Variants in AFAP1L2 observed in about 807,000 individuals in gnomAD.
AFAP1L2 encodes actin filament associated protein 1 like 2.
In AFAP1L2, 46 loss-of-function variants were observed where a neutral mutation model predicts 99.3. The ratio of observed to expected loss-of-function variants is 0.46; its 90% CI spans 0.37 to 0.59. The LOEUF (loss-of-function observed/expected upper bound fraction) is 0.59. Among genes scored for constraint, AFAP1L2 ranks in the 20% least tolerant of loss-of-function variants. AFAP1L2 has a pLI of 0.00. For synonymous variants in AFAP1L2, 397 were observed against 419.1 expected (o/e 0.95, Z 0.64); for missense variants, 959 against 1,034.9 (o/e 0.93, Z 1.01).
At chr10:114,376,894 C>T (rs1193828015) in intron 1 of AFAP1L2, among the ~76,000 whole-genome samples, 1 of 152,110 alleles carries the variant, frequency 6.6e-6, no homozygotes, top group Non-Finnish European at 1.5e-5. Flanking sequence ...GCTTTTGGGC[C>T]TCCCTAGAAG....
rs1237845756 is a variant in AFAP1L2, at chr10:114,337,141, G to A, written c.145+3462C>T. The stretch of plus-strand genomic sequence containing the variant: ...GTGTGTTTACGATTCTGTCCTGTGC[G>A]ACACGACAGTTAACTGCAGTGCAAT... On this transcript the variant is annotated intron_variant, in intron 2 of 18. Coordinates refer to ENST00000304129, the MANE Select transcript of AFAP1L2 (RefSeq NM_001001936.3). Among the ~76,000 whole-genome samples, 11 of 152,334 alleles carry A rather than the reference G, an allele frequency of 7.2e-5. No individual in the cohort carries two copies. The South Asian group carries it at 8.3e-4, about 11-fold the overall frequency.
downstream of AFAP1L2, among the ~76,000 whole-genome samples, chr10:114,290,914 C>T (rs941158476): frequency 6.6e-6 from 1 of 152,102 alleles, no homozygotes; most frequent in Non-Finnish European, 1.5e-5. Flanking sequence ...AGAGAGTGAT[C>T]GTTGGGAGGC....
At chr10:114,344,276 G>C (rs1355343423) in intron 1 of AFAP1L2, among the ~76,000 whole-genome samples, 1 of 152,168 alleles carries the variant, frequency 6.6e-6, no homozygotes, top group African/African-American at 2.4e-5. Flanking sequence ...TGAGCTTAAA[G>C]AAGCCAAACC....
intron 5 of AFAP1L2, among the ~76,000 whole-genome samples, chr10:114,320,045 A>G (rs562257757): frequency 6.6e-6 from 1 of 152,242 alleles, no homozygotes; most frequent in African/African-American, 2.4e-5. Context: ...CCTAATCTAC[A>G]TGAGGATGAG....
At chr10:114,381,648 A>T (rs2055632019) in intron 1 of AFAP1L2, among the ~76,000 whole-genome samples, 1 of 152,194 alleles carries the variant, frequency 6.6e-6, no homozygotes, top group Non-Finnish European at 1.5e-5. Flanking sequence ...GTATAAGCAA[A>T]ACCCAGAGAC....
intron 1 of AFAP1L2, among the ~76,000 whole-genome samples, chr10:114,353,441 T>C (rs1165238558): frequency 3.9e-5 from 6 of 152,206 alleles, no homozygotes; most frequent in African/African-American, 9.7e-5. Flanking sequence ...TACTAGCACA[T>C]TGTTGGACCC....
chr10:114,318,716 T>A (rs1209140695), intron 5 of AFAP1L2, among the ~76,000 whole-genome samples: 1 of 130,444 alleles, frequency 7.7e-6, no homozygotes, highest in Non-Finnish European at 1.6e-5. Flanking sequence ...CACTCCAGCC[T>A]GGCGGCAGGG....
At chr10:114,364,180 G>A (rs1590588965) in intron 1 of AFAP1L2, among the ~76,000 whole-genome samples, 1 of 152,214 alleles carries the variant, frequency 6.6e-6, no homozygotes, top group Non-Finnish European at 1.5e-5. Context: ...CAGAGGGTCT[G>A]CCCCTGGGCT....
intron 1 of AFAP1L2, among the ~76,000 whole-genome samples, chr10:114,346,606 G>T (rs554209145): frequency 2.0e-5 from 3 of 152,268 alleles, no homozygotes; most frequent in African/African-American, 4.8e-5. Flanking sequence ...CCTGGAACTC[G>T]CTCACCACAT....
chr10:114,314,131 C>T (rs1468423435), intron 6 of AFAP1L2, 81 bp from the exon 7 acceptor site: 24 of 1,389,570 alleles, frequency 1.7e-5, no homozygotes, highest in Middle Eastern at 2.0e-4. Flanking sequence ...GGCCGCTGGA[C>T]GTTGCAGGAC....
At chr10:114,283,721 T>G in the AFAP1L2 span, among the ~76,000 whole-genome samples, 3 of 152,228 alleles carry the variant, frequency 2.0e-5, no homozygotes, top group African/African-American at 4.8e-5. Context: ...GCGTGTATTG[T>G]GCTTAGCACA....
chr10:114,330,083 G>A (rs1047913655), intron 4 of AFAP1L2, among the ~76,000 whole-genome samples: 3 of 152,262 alleles, frequency 2.0e-5, no homozygotes, highest in African/African-American at 7.2e-5. Flanking sequence ...CTGAGATGAG[G>A]AGTCTCCACC....
intron 2 of AFAP1L2, among the ~76,000 whole-genome samples, chr10:114,337,653 A>T (rs903997822): frequency 6.6e-6 from 1 of 152,194 alleles, no homozygotes; most frequent in Non-Finnish European, 1.5e-5. Context: ...CAAAAAGGTC[A>T]TCCTACAGGA....
In AFAP1L2 at chr10:114,310,382, G is replaced by A. The variant is rs144882812; in HGVS notation, c.854C>T (p.Pro285Leu). The A allele has an allele frequency of 3.9e-4, 630 of 1,613,798 alleles. 3 individuals carry two copies. The highest frequency in any genetic ancestry group is 3.3e-4 in the Middle Eastern group (2 of 6,058). Residue 285 changes from proline to leucine, a missense_variant, in exon 8 of 19, where the codon CCG becomes CTG. By Grantham distance (98) the Pro-to-Leu change is moderately conservative. Around this residue, in one of 2 missense-constraint regions of AFAP1L2, gnomAD observed 383 missense variants for 472.8 expected, o/e 0.81. Coordinates refer to ENST00000304129, the MANE Select transcript of AFAP1L2 (RefSeq NM_001001936.3). ...EGASEGNQYTPDAQRFNCQKP... is the reference protein window; with the variant it reads ...EGASEGNQYTLDAQRFNCQKP... Reference sequence around the variant, plus strand: ...CTGGCAGTTAAAGCGCTGGGCATCCGGGGTGTACTGGTTTCCTTCAGATGC... The same window carrying A: ...CTGGCAGTTAAAGCGCTGGGCATCCAGGGTGTACTGGTTTCCTTCAGATGC...
chr10:114,319,617 T>C, intron 5 of AFAP1L2: 1 of 1,289,624 alleles, frequency 7.8e-7, no homozygotes, highest in South Asian at 1.2e-5. Context: ...ATCTGGGGAC[T>C]CCAGTGGGGA....
At chr10:114,319,694 A>G in intron 5 of AFAP1L2, 1 of 1,255,214 alleles carries the variant, frequency 8.0e-7, no homozygotes, top group Non-Finnish European at 1.0e-6. Flanking sequence ...GAGAGACAGA[A>G]TGAAGAGAGG....
At chr10:114,332,957 G>A (rs1469374951) in intron 3 of AFAP1L2, among the ~76,000 whole-genome samples, 1 of 152,220 alleles carries the variant, frequency 6.6e-6, no homozygotes, top group African/African-American at 2.4e-5. Context: ...ATGACTTCCT[G>A]TTCCTGGGAT....
At chr10:114,313,759 C>A (rs2043642995) in intron 7 of AFAP1L2, 112 bp downstream of exon 7, 3 of 1,164,382 alleles carry the variant, frequency 2.6e-6, no homozygotes, top group Non-Finnish European at 3.5e-6. Flanking sequence ...GGAAGCCCTG[C>A]AAACTTGAAG....
rs1344503790 is a variant in AFAP1L2, at chr10:114,302,467, T to C, written c.1302A>G (p.Glu434=). 1 of 1,614,020 alleles carries C rather than the reference T, an allele frequency of 6.2e-7. No homozygotes were observed. Among genetic ancestry groups the C allele is most frequent in the Non-Finnish European group, 8.5e-7 (1 of 1,180,006 alleles). ...LAKLEAKSSE[E]MGHWLGLLLS... ...GCAGGAGACCCAGCCAGTGGCCCAT[T>C]TCCTCGGAAGACTTGGCCTGGAACG... is the stretch of plus-strand genomic sequence containing the variant. Residue 434 remains glutamate (E), a synonymous_variant, in exon 12 of 19, where the codon GAA becomes GAG. Coordinates refer to ENST00000304129, the MANE Select transcript of AFAP1L2 (RefSeq NM_001001936.3).
Sources: allele counts gnomAD v4.1 joint callset (sites outside exome capture counted in the v4.1 genomes callset), GRCh38; gene constraint gnomAD v4.1.1; regional missense constraint gnomAD v4.1.1; transcripts MANE v1.5; gene names NCBI Gene and HGNC (gene_info 2026-07-23, HGNC 2026-07-21).